Variants in UST observed in about 807,000 individuals in gnomAD.
UST encodes chondroitin sulfate 2-O-sulfotransferase.
A neutral mutation model predicts 45.6 loss-of-function variants in UST; 21 were observed. That is an observed-to-expected ratio of 0.46 (90% confidence interval 0.33 to 0.66). UST has a LOEUF of 0.66. Among genes scored for constraint, UST ranks in the 30% least tolerant of loss-of-function variants. The pLI is 0.02. For missense variants in UST, 463 were observed against 512.4 expected (o/e 0.90, Z 0.93); for synonymous variants, 215 against 200.6 (o/e 1.07, Z -0.61).
At chr6:149,071,779 AAAAC>A (rs1482497290) in intron 7 of UST, among the ~76,000 whole-genome samples, 6 of 152,312 alleles carry the variant, frequency 3.9e-5, no homozygotes, top group East Asian at 1.9e-4. Flanking sequence ...CTCAACAATA[AAAAC>A]AAACAAAAGC....
At chr6:148,870,096 G>T (rs1778518876) in intron 1 of UST, among the ~76,000 whole-genome samples, 1 of 100,142 alleles carries the variant, frequency 1.0e-5, no homozygotes, top group Non-Finnish European at 2.0e-5. Flanking sequence ...CTTCACAGTG[G>T]TAATGTTTCA....
intron 5 of UST, among the ~76,000 whole-genome samples, chr6:148,964,991 C>A (rs917800792): frequency 1.3e-5 from 2 of 152,054 alleles, no homozygotes; most frequent in African/African-American, 4.8e-5. Flanking sequence ...CAGATGAGGA[C>A]CCTGAGATTC....
chr6:149,062,261 A>G (rs951434430), intron 7 of UST, among the ~76,000 whole-genome samples: 2 of 152,238 alleles, frequency 1.3e-5, no homozygotes, highest in Non-Finnish European at 2.9e-5. Flanking sequence ...TCAGCCTACT[A>G]TCCAGAAATT....
rs1780122648 is a variant in UST at position 148,941,364 on chromosome 6, C to T, written c.377C>T (p.Ser126Leu). The T allele has an allele frequency of 3.1e-6, 5 of 1,612,494 alleles. No individual in the cohort carries two copies. The highest frequency in any genetic ancestry group is 1.1e-5 in the South Asian group (1 of 90,596). Residue 126 changes from serine (S) to leucine (L), a missense_variant, in exon 3 of 8, where the codon TCG becomes TTG. Ser to Leu is a moderately radical substitution (Grantham distance 145, BLOSUM62 -2). Around this residue, in one of 2 missense-constraint regions of UST, gnomAD observed 287 missense variants for 374.2 expected, o/e 0.77. Coordinates refer to ENST00000367463, the MANE Select transcript of UST (RefSeq NM_005715.3). ...RTVVLLLRIL[S>L]EKHGFNLVTS... is the part of the protein sequence containing the mutation. ...GTGGTCTTGCTTCTGAGAATCTTGT[C>T]GGAGAAGCACGGATTTAATTTGGTC...
chr6:149,001,308 G>A lies in UST; in HGVS notation c.682-17831G>A, dbSNP rs533564030. ...AGGATGGTCCTGATCTCCTGACCTC[G>A]GATCTGCCCACCTTGGCCTCCCAAA... On this transcript the variant is annotated intron_variant, in intron 5 of 7. Transcript: ENST00000367463. Among the ~76,000 whole-genome samples, 437 of 152,152 alleles carry A rather than the reference G, an allele frequency of 2.9e-3. 2 individuals are homozygous for A. The highest frequency in any genetic ancestry group is 5.1e-3 in the Non-Finnish European group (348 of 68,000).
At chr6:149,039,519 A>G (rs9485350) in intron 7 of UST, among the ~76,000 whole-genome samples, 5,811 of 152,240 alleles carry the variant, frequency 0.038, 374 homozygotes, top group African/African-American at 0.13. Flanking sequence ...TATTTCTAAT[A>G]GTCACAGCGG....
intron 2 of UST, among the ~76,000 whole-genome samples, chr6:148,928,347 T>C (rs1410285316): frequency 6.6e-6 from 1 of 152,272 alleles, no homozygotes; most frequent in African/African-American, 2.4e-5. Context: ...CCAGTGAGTC[T>C]AGCTATAGAG....
chr6:148,913,024 C>T (rs368836396), intron 2 of UST, among the ~76,000 whole-genome samples: 1 of 152,112 alleles, frequency 6.6e-6, no homozygotes, highest in East Asian at 1.9e-4. Context: ...ATGCCTGGTC[C>T]CTGTTTCTCA....
Position 149,073,776 on chromosome 6 carries a change from GA to G in UST, c.938-56del, listed in dbSNP as rs997501580. On this transcript the variant is annotated intron_variant, in intron 7 of 7. Transcript: ENST00000367463. Reference sequence around the variant, plus strand: ...TACAGGTAATGTGGGTCCTCGCCGGGATCCCTTCTAAGCTACTGCAAATGAT... The same window carrying G: ...TACAGGTAATGTGGGTCCTCGCCGGGTCCCTTCTAAGCTACTGCAAATGAT... 47 of 1,574,726 alleles carry G rather than the reference GA, an allele frequency of 3.0e-5. No individual in the cohort carries two copies. In the African/African-American group the frequency reaches 5.8e-4, roughly 19 times the overall value.
At chr6:148,981,542 G>A (rs923126910) in intron 5 of UST, among the ~76,000 whole-genome samples, 1 of 152,144 alleles carries the variant, frequency 6.6e-6, no homozygotes, top group Non-Finnish European at 1.5e-5. Flanking sequence ...TGCATAGGAA[G>A]GTCTTAGAAT....
intron 5 of UST, among the ~76,000 whole-genome samples, chr6:149,003,541 C>A (rs1185078934): frequency 6.6e-6 from 1 of 152,046 alleles, no homozygotes; most frequent in East Asian, 1.9e-4. Flanking sequence ...AGGTTTCTGA[C>A]ATCATAGACA....
chr6:149,056,117 C>CTTTTCTTTTTT (rs1562341621), intron 7 of UST, among the ~76,000 whole-genome samples: 8 of 81,064 alleles, frequency 9.9e-5, no homozygotes, highest in Non-Finnish European at 1.2e-4. Context: ...CTTTTCTTTT[C>CTTTTCTTTTTT]TTTTTTTTTT....
At chr6:149,031,960 A>C (rs1776149591) in intron 7 of UST, among the ~76,000 whole-genome samples, 2 of 152,198 alleles carry the variant, frequency 1.3e-5, no homozygotes, top group African/African-American at 2.4e-5. Context: ...ACATGATTGG[A>C]AGCGTGGAGG....
intron 5 of UST, among the ~76,000 whole-genome samples, chr6:149,009,026 A>G (rs1775763272): frequency 6.6e-6 from 1 of 152,256 alleles, no homozygotes; most frequent in Non-Finnish European, 1.5e-5. Context: ...TAAAATAAGC[A>G]AATGGAAACA....
At chr6:149,009,560 A>AAC (rs113280120) in intron 5 of UST, among the ~76,000 whole-genome samples, 5,747 of 143,028 alleles carry the variant, frequency 0.04, 341 homozygotes, top group African/African-American at 0.13. Context: ...CTGATGTTAA[A>AAC]ACACACACAC....
intron 1 of UST, among the ~76,000 whole-genome samples, chr6:148,771,689 C>G (rs1776429621): frequency 6.6e-6 from 1 of 152,264 alleles, no homozygotes; most frequent in Admixed American, 6.5e-5. Flanking sequence ...AACAGGTGCT[C>G]CATGCCCCAA....
intron 1 of UST, among the ~76,000 whole-genome samples, chr6:148,796,036 C>T (rs563932414): frequency 6.6e-6 from 1 of 152,188 alleles, no homozygotes; most frequent in South Asian, 2.1e-4. Context: ...GATAGGACAG[C>T]GTGGTGGATA....
At chr6:148,782,438 A>G (rs1232457304) in intron 1 of UST, among the ~76,000 whole-genome samples, 2 of 151,266 alleles carry the variant, frequency 1.3e-5, no homozygotes, top group African/African-American at 4.9e-5. Context: ...TGAACAGATG[A>G]ACAGATGAGG....
Position 148,788,293 on chromosome 6 carries a change from T to A in UST, c.247+40616T>A, listed in dbSNP as rs959620677. On this transcript the variant is annotated intron_variant, in intron 1 of 7. Transcript: ENST00000367463. ...GGAATTATGGGAGTATAATTCAAGA[T>A]GAGATTTGGGTGAGGACACAGCCAA... Among the ~76,000 whole-genome samples, 3 of 152,096 alleles carry A rather than the reference T, an allele frequency of 2.0e-5. No homozygotes were observed. The East Asian group carries it at 5.8e-4, about 29-fold the overall frequency.
Sources: gnomAD v4.1 joint callset for allele counts (sites outside exome capture counted in the v4.1 genomes callset) on GRCh38, gnomAD v4.1.1 for gene constraint, gnomAD v4.1.1 regional missense constraint, MANE v1.5 for transcripts, NCBI Gene and HGNC (gene_info 2026-07-23, HGNC 2026-07-21) for gene names.